The following ADAMTS19 variants were observed in gnomAD, a reference collection of about 807,000 sequenced individuals.
The protein encoded by ADAMTS19 is A disintegrin and metalloproteinase with thrombospondin motifs 19.
Under a neutral mutation model 153.3 loss-of-function variants are expected in ADAMTS19, and 93 were observed. The ratio of observed to expected loss-of-function variants is 0.61; its 90% confidence interval spans 0.51 to 0.72. The LOEUF (loss-of-function observed/expected upper bound fraction) is 0.72, where lower values mean the gene tolerates loss of function less well. ADAMTS19 is among the 30% of genes least tolerant of loss of function. The pLI, the probability that ADAMTS19 is intolerant of heterozygous loss-of-function variation, is 0.00. For synonymous variants in ADAMTS19, 600 were observed against 556.6 expected (o/e 1.08, Z -1.10); for missense variants, 1,482 against 1,552.1 (o/e 0.95, Z 0.76).
At chr5:129,622,758 T>A (rs1467291847) in intron 10 of ADAMTS19, among the ~76,000 whole-genome samples, 1 of 152,184 alleles carries the variant, frequency 6.6e-6, no homozygotes, top group Non-Finnish European at 1.5e-5. Context: ...AATAATGTAG[T>A]ATTTGCATAT....
chr5:129,519,948 G>A (rs1173769642), intron 3 of ADAMTS19, among the ~76,000 whole-genome samples: 1 of 152,086 alleles, frequency 6.6e-6, no homozygotes, highest in African/African-American at 2.4e-5. Flanking sequence ...AATATGGTAA[G>A]TAGATTAAGT....
rs1019021935 is a variant in ADAMTS19, at chr5:129,737,800, A to G, written c.*582A>G. 6.6e-6 allele frequency: 1 copy of G among 152,570 alleles called. No individual in the cohort carries two copies. The highest frequency in any genetic ancestry group is 1.9e-4 in the East Asian group (1 of 5,160). The allele number at this position is 152,570 out of a possible 1,614,324, so 9.5% of individuals were successfully genotyped here. A position where few individuals can be genotyped will look rare whatever the true frequency, so the allele number is the denominator to read the frequency against. On this transcript the variant is annotated 3_prime_UTR_variant, in exon 23 of 23. Coordinates refer to ENST00000274487, the MANE Select transcript of ADAMTS19 (RefSeq NM_133638.6). The stretch of plus-strand genomic sequence containing the variant: ...CTGCTGTAATTATAACCTTATTTTG[A>G]TATGGAAAAGAAAAGTCAAAATAGA...
intron 7 of ADAMTS19, among the ~76,000 whole-genome samples, chr5:129,580,633 T>C (rs1749467296): frequency 6.6e-6 from 1 of 152,216 alleles, no homozygotes; most frequent in South Asian, 2.1e-4. Flanking sequence ...TTGAGAATTT[T>C]CAGCATGAAG....
rs764518741 is a variant in ADAMTS19, at chr5:129,658,327, AAGAAAGAAAGAAAG to A, written c.2305-288_2305-275del. 3.5e-3 allele frequency among the ~76,000 whole-genome samples: 412 copies of A among 117,028 alleles called. 12 individuals carry two copies. The highest frequency in any genetic ancestry group is 0.031 in the Middle Eastern group (8 of 256). The allele number at this position is 117,028 out of a possible 152,430, so 76.8% of individuals were successfully genotyped here. ...AGAAAGAAAAAGAAAGAAAGAAAGAAAGAAAGAAAGAAAGAAAGAAAGAAAGAAAGAAAGAAAGA... is the reference window on the plus strand; with the variant it reads ...AGAAAGAAAAAGAAAGAAAGAAAGAAAAAGAAAGAAAGAAAGAAAGAAAGA... On this transcript the variant is annotated intron_variant, in intron 14 of 22. Transcript: ENST00000274487.
chr5:129,619,481 G>A (rs940009210), intron 8 of ADAMTS19, among the ~76,000 whole-genome samples: 4 of 152,094 alleles, frequency 2.6e-5, no homozygotes, highest in Non-Finnish European at 4.4e-5. Context: ...AAGTCATTTG[G>A]TATTGCTGAA....
At chr5:129,720,528 AAG>A (rs1339284333) in intron 21 of ADAMTS19, among the ~76,000 whole-genome samples, 1 of 152,212 alleles carries the variant, frequency 6.6e-6, no homozygotes, top group Non-Finnish European at 1.5e-5. Flanking sequence ...TATTTTTACA[AAG>A]AAAGAATTAC....
At chr5:129,489,078 C>T (rs1016061077) in intron 2 of ADAMTS19, among the ~76,000 whole-genome samples, 3 of 152,030 alleles carry the variant, frequency 2.0e-5, no homozygotes, top group Admixed American at 1.3e-4. Flanking sequence ...AACAATTTAG[C>T]TATAATTTCC....
chr5:129,567,924 C>T (rs922243158), intron 7 of ADAMTS19, among the ~76,000 whole-genome samples: 1 of 152,074 alleles, frequency 6.6e-6, no homozygotes, highest in Non-Finnish European at 1.5e-5. Flanking sequence ...AAAAAACAAG[C>T]TGTTATTTAT....
At chr5:129,685,418 G>A (rs1164577771) in intron 18 of ADAMTS19, among the ~76,000 whole-genome samples, 1 of 151,584 alleles carries the variant, frequency 6.6e-6, no homozygotes, top group African/African-American at 2.4e-5. Context: ...TATGGCAAGT[G>A]AAGAGTATTA....
chr5:129,727,842 G>A (rs1211008264), intron 21 of ADAMTS19, among the ~76,000 whole-genome samples: 1 of 152,164 alleles, frequency 6.6e-6, no homozygotes, highest in African/African-American at 2.4e-5. Context: ...AGTACTGTCA[G>A]AGGCTTTGGA....
At position 129,630,726 on chromosome 5, in the gene ADAMTS19, A is replaced by G. The variant is rs1025472629; in HGVS notation, c.1770+8378A>G. ...TAAAAGAAAAACAAAACAGAAAATTATTGTTTGAAATGTATCAAAATAAAT... is the reference window on the plus strand; with the variant it reads ...TAAAAGAAAAACAAAACAGAAAATTGTTGTTTGAAATGTATCAAAATAAAT... On this transcript the variant is annotated intron_variant, in intron 10 of 22. Coordinates refer to ENST00000274487, the MANE Select transcript of ADAMTS19 (RefSeq NM_133638.6). Among the ~76,000 whole-genome samples, 19 of 152,198 alleles carry G rather than the reference A, an allele frequency of 1.2e-4. No individual in the cohort carries two copies. In the Middle Eastern group the frequency reaches 0.014, roughly 109 times the overall value.
chr5:129,603,431 T>C (rs931044775), intron 8 of ADAMTS19, among the ~76,000 whole-genome samples: 2 of 152,218 alleles, frequency 1.3e-5, no homozygotes, highest in South Asian at 4.1e-4. Context: ...TATTTTGTTA[T>C]ATAAATAAAG....
At chr5:129,600,540 C>A (rs1750596200) in intron 8 of ADAMTS19, among the ~76,000 whole-genome samples, 1 of 151,866 alleles carries the variant, frequency 6.6e-6, no homozygotes, top group Admixed American at 6.6e-5. Context: ...AATTTGATTT[C>A]TAGAAATTCT....
chr5:129,686,721 C>G (rs1430969131), intron 18 of ADAMTS19, among the ~76,000 whole-genome samples: 1 of 152,142 alleles, frequency 6.6e-6, no homozygotes, highest in African/African-American at 2.4e-5. Flanking sequence ...AGGTTCTCAC[C>G]TGACTCCAGG....
Position 129,596,546 on chromosome 5 carries a change from T to C in ADAMTS19, c.1373-13T>C. On this transcript the variant is annotated splice_polypyrimidine_tract_variant and intron_variant, in intron 7 of 22. Coordinates refer to ENST00000274487, the MANE Select transcript of ADAMTS19 (RefSeq NM_133638.6). ...CATTCAGACATATAATAATTAATGTTTGTATTTTTTAGGTATAGCTTACTT... is the reference window on the plus strand; with the variant it reads ...CATTCAGACATATAATAATTAATGTCTGTATTTTTTAGGTATAGCTTACTT... 1 of 1,499,156 alleles carries C rather than the reference T, an allele frequency of 6.7e-7. No individual in the cohort carries two copies. Among genetic ancestry groups the C allele is most frequent in the Non-Finnish European group, 9.2e-7 (1 of 1,092,356 alleles). 92.9% of individuals were successfully genotyped at this position (1,499,156 alleles called of 1,614,324 possible). A position where few individuals can be genotyped will look rare whatever the true frequency, so the allele number is the denominator to read the frequency against.
At chr5:129,721,150 A>G (rs1422661285) in intron 21 of ADAMTS19, among the ~76,000 whole-genome samples, 1 of 152,182 alleles carries the variant, frequency 6.6e-6, no homozygotes, top group African/African-American at 2.4e-5. Context: ...ATTTCAGAGC[A>G]TGTTTGCTAT....
intron 21 of ADAMTS19, among the ~76,000 whole-genome samples, chr5:129,721,872 G>A (rs942214114): frequency 5.3e-5 from 8 of 152,094 alleles, no homozygotes; most frequent in African/African-American, 1.7e-4. Context: ...CTTTCCCTGC[G>A]TTAGTTTGCT....
intron 7 of ADAMTS19, among the ~76,000 whole-genome samples, chr5:129,571,340 A>G (rs1228444641): frequency 6.6e-6 from 1 of 151,716 alleles, no homozygotes; most frequent in Non-Finnish European, 1.5e-5. Flanking sequence ...TTATGTGTAT[A>G]TGTGTATGTA....
intron 8 of ADAMTS19, among the ~76,000 whole-genome samples, chr5:129,606,433 G>C (rs575685475): frequency 2.0e-5 from 3 of 151,760 alleles, no homozygotes; most frequent in African/African-American, 7.3e-5. Flanking sequence ...TTCATTCTTC[G>C]TCCGAGAAAG....
Sources: gnomAD v4.1 joint callset for allele counts (sites outside exome capture counted in the v4.1 genomes callset) on GRCh38, gnomAD v4.1.1 for gene constraint, MANE v1.5 for transcripts, NCBI Gene and HGNC (gene_info 2026-07-23, HGNC 2026-07-21) for gene names.